Variants in TMEM108 observed in about 807,000 individuals in gnomAD.
TMEM108 encodes transmembrane protein 108.
A neutral mutation model predicts 35.1 loss-of-function variants in TMEM108; 12 were observed. The observed-to-expected ratio is 0.34, with a 90% CI of 0.22 to 0.55. The LOEUF (loss-of-function observed/expected upper bound fraction) is 0.55, where lower values mean the gene tolerates loss of function less well. Among genes scored for constraint, TMEM108 ranks in the 20% least tolerant of loss-of-function variants. The pLI is 0.89. For missense variants in TMEM108, 680 were observed against 753.3 expected (o/e 0.90, Z 1.14); for synonymous variants, 287 against 308.6 (o/e 0.93, Z 0.73).
At chr3:133,285,503 C>A (rs945329876) in intron 3 of TMEM108, among the ~76,000 whole-genome samples, 1 of 152,098 alleles carries the variant, frequency 6.6e-6, no homozygotes, top group Admixed American at 6.5e-5. Context: ...CTCAGAGAGA[C>A]GTTGTTAATA....
intron 3 of TMEM108, among the ~76,000 whole-genome samples, chr3:133,284,339 C>T (rs1422154245): frequency 6.6e-6 from 1 of 152,202 alleles, no homozygotes; most frequent in Non-Finnish European, 1.5e-5. Context: ...TTGAAAGTCT[C>T]ATACTTCCCA....
At chr3:133,084,732 A>G (rs1943859547) in intron 2 of TMEM108, among the ~76,000 whole-genome samples, 2 of 152,326 alleles carry the variant, frequency 1.3e-5, no homozygotes, top group African/African-American at 2.4e-5. Flanking sequence ...TTAACATCCC[A>G]TTTGCAAATG....
At chr3:133,224,685 G>T (rs1462984808) in intron 2 of TMEM108, among the ~76,000 whole-genome samples, 5 of 152,058 alleles carry the variant, frequency 3.3e-5, no homozygotes, top group Admixed American at 6.5e-5. Flanking sequence ...ATGATTGTGA[G>T]TCCTCCCCAG....
At chr3:133,075,042 T>A (rs1943723867) in intron 2 of TMEM108, among the ~76,000 whole-genome samples, 1 of 152,208 alleles carries the variant, frequency 6.6e-6, no homozygotes, top group African/African-American at 2.4e-5. Flanking sequence ...AATTTTAGGC[T>A]CTATCCATGT....
At chr3:133,232,824 C>G (rs1303870162) in intron 3 of TMEM108, among the ~76,000 whole-genome samples, 2 of 152,182 alleles carry the variant, frequency 1.3e-5, no homozygotes, top group Non-Finnish European at 2.9e-5. Flanking sequence ...AGGTTTAACA[C>G]ATTTTACATG....
chr3:133,190,214 G>A (rs561923134), intron 2 of TMEM108, among the ~76,000 whole-genome samples: 1 of 152,280 alleles, frequency 6.6e-6, no homozygotes, highest in East Asian at 1.9e-4. Flanking sequence ...AGTGACCTTT[G>A]ATAGCAGTGT....
chr3:133,285,342 C>T (rs1157663648), intron 3 of TMEM108, among the ~76,000 whole-genome samples: 2 of 152,148 alleles, frequency 1.3e-5, no homozygotes, highest in Non-Finnish European at 2.9e-5. Flanking sequence ...TTTTCAAGCT[C>T]ATTTTAAGTG....
chr3:133,108,077 A>C (rs932102441), intron 2 of TMEM108, among the ~76,000 whole-genome samples: 1 of 152,162 alleles, frequency 6.6e-6, no homozygotes, highest in Non-Finnish European at 1.5e-5. Context: ...CTAAAAATAC[A>C]AAAGTTAGCC....
chr3:133,295,015 C>T (rs1947123345), intron 3 of TMEM108, among the ~76,000 whole-genome samples: 1 of 152,132 alleles, frequency 6.6e-6, no homozygotes, highest in Non-Finnish European at 1.5e-5. Flanking sequence ...AGTCTTTCAC[C>T]ACTGATTTAT....
intron 3 of TMEM108, among the ~76,000 whole-genome samples, chr3:133,376,950 C>T (rs541287746): frequency 7.9e-5 from 12 of 152,218 alleles, no homozygotes; most frequent in African/African-American, 2.6e-4. Flanking sequence ...AAATTCAAGG[C>T]GCCAATAGGG....
intron 2 of TMEM108, among the ~76,000 whole-genome samples, chr3:133,180,958 T>C (rs1324064384): frequency 7.3e-6 from 1 of 137,466 alleles, no homozygotes; most frequent in Non-Finnish European, 1.5e-5. Flanking sequence ...CATACATCAT[T>C]AATGCTTCCC....
At chr3:133,192,377 C>T (rs1026640657) in intron 2 of TMEM108, among the ~76,000 whole-genome samples, 3 of 151,994 alleles carry the variant, frequency 2.0e-5, no homozygotes, top group African/African-American at 4.8e-5. Context: ...GGGAGGTGTC[C>T]GTAGTTAGAG....
intron 2 of TMEM108, among the ~76,000 whole-genome samples, chr3:133,106,074 CATACTTATA>C (rs1169049563): frequency 6.7e-6 from 1 of 149,892 alleles, no homozygotes; most frequent in Non-Finnish European, 1.5e-5. Context: ...CATTTAAATA[CATACTTATA>C]ATAAGTGCAG....
At chr3:133,177,429 C>T (rs555952969) in intron 2 of TMEM108, among the ~76,000 whole-genome samples, 1 of 152,200 alleles carries the variant, frequency 6.6e-6, no homozygotes, top group Non-Finnish European at 1.5e-5. Context: ...AAAATACTGG[C>T]AAACCAAATC....
At chr3:133,234,528 A>C (rs1378633220) in intron 3 of TMEM108, among the ~76,000 whole-genome samples, 1 of 152,244 alleles carries the variant, frequency 6.6e-6, no homozygotes, top group Non-Finnish European at 1.5e-5. Flanking sequence ...GATACAGAAA[A>C]GGCCTTTAAC....
chr3:133,345,375 C>A (rs775434831), intron 3 of TMEM108, among the ~76,000 whole-genome samples: 2 of 151,452 alleles, frequency 1.3e-5, no homozygotes, highest in African/African-American at 2.4e-5. Context: ...ATATTTATTC[C>A]TTTAGGGGAA....
At chr3:133,095,915 T>C (rs1303153193) in intron 2 of TMEM108, among the ~76,000 whole-genome samples, 1 of 152,176 alleles carries the variant, frequency 6.6e-6, no homozygotes, top group African/African-American at 2.4e-5. Context: ...CACTTAATAA[T>C]TGTGGCAAAG....
At chr3:133,181,204 C>G (rs773606999) in intron 2 of TMEM108, among the ~76,000 whole-genome samples, 30 of 151,936 alleles carry the variant, frequency 2.0e-4, no homozygotes, top group Non-Finnish European at 3.7e-4. Context: ...GGTGATAATT[C>G]CGTATCAGTA....
intron 2 of TMEM108, among the ~76,000 whole-genome samples, chr3:133,151,016 T>A (rs1944791988): frequency 6.6e-6 from 1 of 152,152 alleles, no homozygotes; most frequent in African/African-American, 2.4e-5. Flanking sequence ...TTGCCATGCC[T>A]TTCTTTTCGT....
Sources: allele counts gnomAD v4.1 joint callset (sites outside exome capture counted in the v4.1 genomes callset), GRCh38; gene constraint gnomAD v4.1.1; transcripts MANE v1.5; gene names NCBI Gene and HGNC (gene_info 2026-07-23, HGNC 2026-07-21).